Variants in MACROD2 observed in about 807,000 individuals in gnomAD.
MACROD2 encodes mono-ADP ribosylhydrolase 2, also known as ADP-ribose glycohydrolase MACROD2.
MACROD2 carries 36 observed loss-of-function variants against 70.4 expected under a neutral mutation model. The ratio of observed to expected loss-of-function variants is 0.51; its 90% confidence interval spans 0.39 to 0.68. The LOEUF is 0.68. Ranked by LOEUF, MACROD2 falls within the 30% of genes least tolerant of loss-of-function variation. MACROD2 has a pLI of 0.00. For missense variants in MACROD2, 496 were observed against 538.4 expected, an observed-to-expected ratio of 0.92 and a Z score of 0.78; for synonymous variants, 172 against 178.8, an observed-to-expected ratio of 0.96 and a Z score of 0.30.
chr20:15,085,981 G>C (rs2075746011), intron 5 of MACROD2, among the ~76,000 whole-genome samples: 1 of 151,134 alleles, frequency 6.6e-6, no homozygotes, highest in Admixed American at 6.6e-5. Context: ...AACACTGCTT[G>C]AAACTTAACA....
At chr20:14,086,221 C>T in intron 3 of MACROD2, 2 of 381,704 alleles carry the variant, frequency 5.2e-6, no homozygotes, top group South Asian at 2.1e-5. Flanking sequence ...TTATGAAATG[C>T]TTAATTTTAA....
At chr20:16,023,362 C>T (rs1411975801) in intron 15 of MACROD2, among the ~76,000 whole-genome samples, 1 of 149,866 alleles carries the variant, frequency 6.7e-6, no homozygotes, top group Non-Finnish European at 1.5e-5. Context: ...GTAGTCCCAG[C>T]TACTTGGGAG....
At chr20:14,692,143 T>A (rs559789275) in intron 5 of MACROD2, among the ~76,000 whole-genome samples, 2 of 152,252 alleles carry the variant, frequency 1.3e-5, no homozygotes, top group African/African-American at 2.4e-5. Context: ...GGGAATTTGT[T>A]TGATACAAAT....
At chr20:14,228,203 T>TGC (rs1307175712) in intron 3 of MACROD2, among the ~76,000 whole-genome samples, 3 of 151,950 alleles carry the variant, frequency 2.0e-5, no homozygotes, top group African/African-American at 2.4e-5. Context: ...AGTGTGTGTG[T>TGC]GCGTGTGTAG....
At chr20:15,677,698 ACCAACC>A (rs1468880689) in intron 8 of MACROD2, among the ~76,000 whole-genome samples, 2,449 of 21,224 alleles carry the variant, frequency 0.12, 31 homozygotes, top group African/African-American at 0.21. Context: ...CAACCAACCA[ACCAACC>A]AAATACATCC....
At position 15,800,524 on chromosome 20, in the gene MACROD2, ATAT is replaced by A. The variant is rs575499765; in HGVS notation, c.646-62218_646-62216del. Among the ~76,000 whole-genome samples, 239 of 151,510 alleles carry A rather than the reference ATAT, an allele frequency of 1.6e-3. 1 individual carries two copies. Among genetic ancestry groups the A allele is most frequent in the African/African-American group, 5.4e-3 (225 of 41,520 alleles). The stretch of plus-strand genomic sequence containing the variant: ...GGATATTCAGTTTTCCCAACACCAT[ATAT>A]TAAAGAGGATGTCCTTTCCCCAATG... On this transcript the variant is annotated intron_variant, in intron 8 of 17. Transcript: ENST00000684519.
chr20:15,656,054 T>C lies in MACROD2; in HGVS notation c.645+156207T>C, dbSNP rs556879613. Reference sequence around the variant, plus strand: ...CTCCAGTGATCTAGTAACTCCGTGGTGGATTTAACTCCCCTATTGTTTTTG... The same window carrying C: ...CTCCAGTGATCTAGTAACTCCGTGGCGGATTTAACTCCCCTATTGTTTTTG... On this transcript the variant is annotated intron_variant, in intron 8 of 17. Transcript: ENST00000684519. Among the ~76,000 whole-genome samples, 12 of 152,330 alleles carry C rather than the reference T, an allele frequency of 7.9e-5. 1 individual carries two copies. Among genetic ancestry groups the C allele is most frequent in the African/African-American group, 2.6e-4 (11 of 41,574 alleles).
intron 6 of MACROD2, among the ~76,000 whole-genome samples, chr20:15,341,294 A>T (rs186673522): frequency 4.7e-4 from 71 of 152,314 alleles, no homozygotes; most frequent in African/African-American, 1.7e-3. Flanking sequence ...ATTCCTATTC[A>T]TGCAGACACC....
At chr20:15,959,835 ACTT>A (rs1260832244) in intron 12 of MACROD2, among the ~76,000 whole-genome samples, 1 of 151,902 alleles carries the variant, frequency 6.6e-6, no homozygotes, top group Non-Finnish European at 1.5e-5. Context: ...CCCGGCCCAA[ACTT>A]CTTAAAGTAC....
chr20:14,529,653 G>A (rs1385214757), intron 4 of MACROD2, among the ~76,000 whole-genome samples: 2 of 152,174 alleles, frequency 1.3e-5, no homozygotes, highest in Non-Finnish European at 2.9e-5. Flanking sequence ...ACTGATCAAG[G>A]TTTATTCCCT....
At chr20:15,625,903 CAAAAAAA>C (rs11290779) in intron 8 of MACROD2, among the ~76,000 whole-genome samples, 1 of 75,642 alleles carries the variant, frequency 1.3e-5, no homozygotes, top group Admixed American at 1.7e-4. Context: ...TCCTTGGCCA[CAAAAAAA>C]AAAAAAAAAA....
chr20:14,994,502 C>T (rs2074933081), intron 5 of MACROD2, among the ~76,000 whole-genome samples: 1 of 152,000 alleles, frequency 6.6e-6, no homozygotes, highest in Admixed American at 6.5e-5. Flanking sequence ...CCTCCCCAGT[C>T]AAAAAGCAGA....
chr20:15,574,361 C>T (rs1371843904), intron 8 of MACROD2, among the ~76,000 whole-genome samples: 1 of 152,114 alleles, frequency 6.6e-6, no homozygotes, highest in African/African-American at 2.4e-5. Context: ...TCCAGAGACA[C>T]ACATTCTTTC....
chr20:14,799,700 C>A (rs2072551451), intron 5 of MACROD2, among the ~76,000 whole-genome samples: 1 of 151,992 alleles, frequency 6.6e-6, no homozygotes, highest in South Asian at 2.1e-4. Flanking sequence ...AGGACTGGCT[C>A]TCACATTAAG....
At chr20:14,902,575 G>A (rs923898865) in intron 5 of MACROD2, among the ~76,000 whole-genome samples, 2 of 152,166 alleles carry the variant, frequency 1.3e-5, no homozygotes, top group African/African-American at 2.4e-5. Flanking sequence ...CTGTAAGTCA[G>A]TCTAGGGGGA....
At chr20:15,331,227 A>G (rs6131663) in intron 6 of MACROD2, among the ~76,000 whole-genome samples, 25,987 of 151,652 alleles carry the variant, frequency 0.17, 2,707 homozygotes, top group Non-Finnish European at 0.23. Flanking sequence ...GATAAAATCG[A>G]CTTGTTAAAA....
intron 10 of MACROD2, among the ~76,000 whole-genome samples, chr20:15,916,177 C>T (rs574460572): frequency 2.6e-4 from 40 of 152,314 alleles, no homozygotes; most frequent in Non-Finnish European, 5.1e-4. Context: ...CACCACCCAC[C>T]TTCCCACACA....
intron 2 of MACROD2, among the ~76,000 whole-genome samples, chr20:14,009,867 A>G (rs2052877585): frequency 6.6e-6 from 1 of 152,228 alleles, no homozygotes; most frequent in African/African-American, 2.4e-5. Context: ...ACTCTAACGC[A>G]GTAACAGAAA....
chr20:15,382,136 G>A (rs552979957), intron 6 of MACROD2, among the ~76,000 whole-genome samples: 6 of 152,146 alleles, frequency 3.9e-5, no homozygotes, highest in South Asian at 2.1e-4. Context: ...GTCTGTTAGC[G>A]GATTCACAAG....
Sources: allele counts gnomAD v4.1 joint callset (sites outside exome capture counted in the v4.1 genomes callset), GRCh38; gene constraint gnomAD v4.1.1; transcripts MANE v1.5; gene names NCBI Gene and HGNC (gene_info 2026-07-23, HGNC 2026-07-21).